The following C13orf46 variants were observed in gnomAD, a reference collection of about 807,000 sequenced individuals.
C13orf46 encodes the protein chromosome 13 open reading frame 46.
chr13:113,955,156 C>G lies in C13orf46; in HGVS notation c.*1617G>C, dbSNP rs2052513658. On this transcript the variant is annotated 3_prime_UTR_variant, in exon 7 of 7. Coordinates refer to ENST00000636427, the MANE Select transcript of C13orf46 (RefSeq NM_001365455.2). ...AGGAGCATCCGGTGGAGATGAGGAG[C>G]ATCTCGAGGAGAGGAGGAGCATCTG... 1 of 218,842 alleles carries G rather than the reference C, an allele frequency of 4.6e-6. No individual in the cohort carries two copies. Among genetic ancestry groups the G allele is most frequent in the South Asian group, 4.9e-5 (1 of 20,290 alleles). 13.6% of individuals were successfully genotyped at this position (218,842 alleles called of 1,614,324 possible). A position where few individuals can be genotyped will look rare whatever the true frequency, so the allele number is the denominator to read the frequency against.
chr13:113,969,161 C>T (rs1010627559), intron 2 of C13orf46, among the ~76,000 whole-genome samples: 7 of 152,246 alleles, frequency 4.6e-5, no homozygotes, highest in Admixed American at 1.3e-4. Flanking sequence ...GGAGGGTCCA[C>T]GGTTGGCCCT....
At position 113,973,210 on chromosome 13, in the gene C13orf46, G is replaced by A. The variant is rs139834909; in HGVS notation, c.190+598C>T. On this transcript the variant is annotated intron_variant, in intron 1 of 6. Coordinates refer to ENST00000636427, the MANE Select transcript of C13orf46 (RefSeq NM_001365455.2). ...CAGGCCTCCCTCATCATTCACCCAC[G>A]AGGAAATTCCTTGTGAGCCTTAAGA... Among the ~76,000 whole-genome samples the A allele has an allele frequency of 5.3e-5, 8 of 152,300 alleles. No individual in the cohort carries two copies. In the South Asian group the frequency reaches 1.0e-3, roughly 20 times the overall value.
downstream of C13orf46, among the ~76,000 whole-genome samples, chr13:113,951,456 G>A (rs1488616552): frequency 1.3e-5 from 2 of 152,200 alleles, no homozygotes; most frequent in African/African-American, 4.8e-5. Flanking sequence ...CGGCCACACA[G>A]TGCCAGCACC....
chr13:113,942,597 G>A, the C13orf46 span, among the ~76,000 whole-genome samples: 1 of 152,186 alleles, frequency 6.6e-6, no homozygotes, highest in African/African-American at 2.4e-5. Context: ...ACAGTCCTGA[G>A]AACACGAGAC....
chr13:113,964,606 C>CCTCCCTACTCTCCCTCCTCTTCCCCCTT, intron 6 of C13orf46, among the ~76,000 whole-genome samples: 1 of 152,222 alleles, frequency 6.6e-6, no homozygotes, highest in Non-Finnish European at 1.5e-5. Context: ...CCCCCTCCTT[C>CCTCCCTACTCTCCCTCCTCTTCCCCCTT]CTCCCTACTC....
chr13:113,951,522 T>C (rs1173013049), downstream of C13orf46, among the ~76,000 whole-genome samples: 3 of 151,186 alleles, frequency 2.0e-5, no homozygotes, highest in East Asian at 5.8e-4. Context: ...CCCGGCCGGG[T>C]TTCCAGACCT....
chr13:113,945,591 G>A, the C13orf46 span, among the ~76,000 whole-genome samples: 979 of 113,540 alleles, frequency 8.6e-3, 7 homozygotes, highest in African/African-American at 9.9e-3. Context: ...GAGAGAGAGA[G>A]AGAAAGAAAG....
At position 113,973,074 on chromosome 13, in the gene C13orf46, A is replaced by C. The variant is rs560035135; in HGVS notation, c.190+734T>G. ...CCCTGCTGCCGGTGGAAGGAAAATGAATCTTGGGCCCTGAATCACTGAGCT... is the reference window on the plus strand; with the variant it reads ...CCCTGCTGCCGGTGGAAGGAAAATGCATCTTGGGCCCTGAATCACTGAGCT... On this transcript the variant is annotated intron_variant, in intron 1 of 6. Transcript: ENST00000636427. 2.6e-4 allele frequency among the ~76,000 whole-genome samples: 40 copies of C among 152,306 alleles called. No individual in the cohort carries two copies. The South Asian group carries it at 8.3e-3, about 32-fold the overall frequency.
intron 6 of C13orf46, among the ~76,000 whole-genome samples, chr13:113,957,815 T>TG (rs2052552389): frequency 7.5e-6 from 1 of 133,908 alleles, no homozygotes. Flanking sequence ...TCAAGCACAC[T>TG]GGTGGGTCTC....
chr13:113,949,000 C>T (rs1007224531), downstream of C13orf46, among the ~76,000 whole-genome samples: 1 of 152,208 alleles, frequency 6.6e-6, no homozygotes, highest in African/African-American at 2.4e-5. Flanking sequence ...CCAGAGGAAC[C>T]AACCATGTAA....
chr13:113,948,650 G>A, the C13orf46 span, among the ~76,000 whole-genome samples: 2 of 152,178 alleles, frequency 1.3e-5, no homozygotes, highest in Non-Finnish European at 2.9e-5. Context: ...TGAACCTCAC[G>A]CTGAACCTCA....
the C13orf46 span, among the ~76,000 whole-genome samples, chr13:113,948,374 T>C: frequency 6.6e-6 from 1 of 152,328 alleles, no homozygotes; most frequent in East Asian, 1.9e-4. Context: ...TATGAGTGGC[T>C]TTGACCAAAA....
the C13orf46 span, among the ~76,000 whole-genome samples, chr13:113,947,200 T>C: frequency 6.6e-6 from 1 of 152,152 alleles, no homozygotes; most frequent in Non-Finnish European, 1.5e-5. Context: ...TAAAATTTGG[T>C]TCCTCAATGC....
the C13orf46 span, among the ~76,000 whole-genome samples, chr13:113,934,230 C>T: frequency 5.3e-5 from 8 of 152,216 alleles, no homozygotes; most frequent in East Asian, 7.7e-4. Flanking sequence ...GCGTCGGACA[C>T]GCACCTGCTG....
At chr13:113,933,134 G>C in the C13orf46 span, among the ~76,000 whole-genome samples, 1 of 152,300 alleles carries the variant, frequency 6.6e-6, no homozygotes, top group East Asian at 1.9e-4. Context: ...CAAAGTGCTG[G>C]GATTACAGGT....
At chr13:113,928,236 A>G in the C13orf46 span, 1 of 152,278 alleles carries the variant, frequency 6.6e-6, no homozygotes, top group Non-Finnish European at 1.5e-5. Flanking sequence ...AGGGGGGCGC[A>G]TTCCGGACCT....
the C13orf46 span, among the ~76,000 whole-genome samples, chr13:113,938,377 G>A: frequency 6.6e-6 from 1 of 152,220 alleles, no homozygotes; most frequent in Middle Eastern, 3.2e-3. Context: ...GGGCTGGCAG[G>A]AGCCTGGTGG....
chr13:113,964,431 C>T (rs918807773), intron 6 of C13orf46, among the ~76,000 whole-genome samples: 45,593 of 152,038 alleles, frequency 0.3, 7,696 homozygotes, highest in East Asian at 0.45. Flanking sequence ...ATCATCTCTT[C>T]GGAGGCTGCC....
At chr13:113,963,668 T>TGTCCTCAGCCACGGCCCCC in intron 6 of C13orf46, among the ~76,000 whole-genome samples, 1 of 149,012 alleles carries the variant, frequency 6.7e-6, no homozygotes, top group Non-Finnish European at 1.5e-5. Flanking sequence ...GCCTTGCCCC[T>TGTCCTCAGCCACGGCCCCC]GTCCTCAGCC....
Sources: gnomAD v4.1 joint callset for allele counts (sites outside exome capture counted in the v4.1 genomes callset) on GRCh38, gnomAD v4.1.1 for gene constraint, MANE v1.5 for transcripts, NCBI Gene and HGNC (gene_info 2026-07-23, HGNC 2026-07-21) for gene names.